TRMT1L: variants seen among roughly 807,000 people sequenced by gnomAD.
TRMT1L encodes tRNA (guanine(27)-N(2))-dimethyltransferase.
TRMT1L carries 28 observed loss-of-function variants against 81.6 expected under a neutral mutation model. The observed-to-expected ratio is 0.34, with a 90% CI of 0.25 to 0.47. The LOEUF (loss-of-function observed/expected upper bound fraction) is 0.47. TRMT1L is among the 20% of genes least tolerant of loss of function. TRMT1L has a pLI of 1.00. For synonymous variants in TRMT1L, 301 were observed against 303.2 expected, an observed-to-expected ratio of 0.99 and a Z score of 0.07; for missense variants, 739 against 877.1, an observed-to-expected ratio of 0.84 and a Z score of 1.99.
At chr1:185,129,739 C>G (rs1652723506) in intron 10 of TRMT1L, among the ~76,000 whole-genome samples, 1 of 152,102 alleles carries the variant, frequency 6.6e-6, no homozygotes, top group Non-Finnish European at 1.5e-5. Flanking sequence ...GTTATGAGAT[C>G]TTATTTTACA....
At chr1:185,120,531 T>C in intron 13 of TRMT1L, 22 bp from the exon 14 acceptor site, 1 of 1,534,642 alleles carries the variant, frequency 6.5e-7, no homozygotes, top group Non-Finnish European at 8.7e-7. Flanking sequence ...ACATACAAAG[T>C]TAGCATGCTC....
chr1:185,127,444 C>G (rs12086086), intron 11 of TRMT1L, among the ~76,000 whole-genome samples: 20,678 of 152,072 alleles, frequency 0.14, 2,103 homozygotes, highest in East Asian at 0.34. Context: ...TCACAATGTT[C>G]TTAGGAATCT....
At chr1:185,138,351 T>C (rs149550362) in intron 9 of TRMT1L, among the ~76,000 whole-genome samples, 2 of 152,294 alleles carry the variant, frequency 1.3e-5, no homozygotes, top group African/African-American at 4.8e-5. Context: ...TTTGCTGATA[T>C]TACATTATAG....
Position 185,130,045 on chromosome 1 carries a change from T to C in TRMT1L, c.1514-1298A>G, listed in dbSNP as rs182125468. Among the ~76,000 whole-genome samples, 8 of 152,352 alleles carry C rather than the reference T, an allele frequency of 5.3e-5. No homozygotes were observed. The East Asian group carries it at 7.7e-4, about 15-fold the overall frequency. ...AATTATTAATCAGTTTGTATCTTGA[T>C]GCACTGTGCAAAATAATCTTACCAT... On this transcript the variant is annotated intron_variant, in intron 10 of 14. Transcript: ENST00000367506.
chr1:185,156,663 A>C lies in TRMT1L; in HGVS notation c.50T>G (p.Val17Gly), dbSNP rs998154164. ...CGGGACCTGGACCTGGGCCACCTCCACCTCCTCCTTCTCCAGGGGCAGCAG... is the reference window on the plus strand; with the variant it reads ...CGGGACCTGGACCTGGGCCACCTCCCCCTCCTCCTTCTCCAGGGGCAGCAG... ...EELLPLEKEEVEVAQVQVPTP... is the reference protein window; with the variant it reads ...EELLPLEKEEGEVAQVQVPTP... Residue 17 changes from valine (V) to glycine (G), a missense_variant, in exon 1 of 15, where the codon GTG becomes GGG. By Grantham distance (109) the Val-to-Gly change is moderately radical. Around this residue, in one of 4 missense-constraint regions of TRMT1L, gnomAD observed 209 missense variants for 165.4 expected, o/e 1.26. Coordinates refer to ENST00000367506, the MANE Select transcript of TRMT1L (RefSeq NM_030934.5). The C allele has an allele frequency of 3.1e-6, 5 of 1,610,846 alleles. No homozygotes were observed. Among genetic ancestry groups the C allele is most frequent in the Non-Finnish European group, 4.2e-6 (5 of 1,179,128 alleles).
At chr1:185,148,471 A>G (rs752454673) in intron 3 of TRMT1L, among the ~76,000 whole-genome samples, 18 of 152,122 alleles carry the variant, frequency 1.2e-4, no homozygotes, top group Non-Finnish European at 2.2e-4. Context: ...TCTACCTTCA[A>G]TTTTACGTCA....
At position 185,156,497 on chromosome 1, in the gene TRMT1L, G is replaced by A. The variant is rs772518182; in HGVS notation, c.216C>T (p.Ala72=). 4 of 1,613,828 alleles carry A rather than the reference G, an allele frequency of 2.5e-6. No homozygotes were observed. Among genetic ancestry groups the A allele is most frequent in the East Asian group, 2.2e-5 (1 of 44,884 alleles). The change falls in exon 1 of 15, where the codon GCC becomes GCT. Residue 72 remains alanine, a synonymous_variant. Coordinates refer to ENST00000367506, the MANE Select transcript of TRMT1L (RefSeq NM_030934.5). ...APALSPSLAS[A]PEEAKSKRHI... ...ACTTACTGCTTTTAGCCTCCTCAGG[G>A]GCAGAGGCTAGGGACGGGGACAGGG...
intron 7 of TRMT1L, among the ~76,000 whole-genome samples, chr1:185,140,612 A>T (rs1557989498): frequency 6.6e-6 from 1 of 152,046 alleles, no homozygotes; most frequent in East Asian, 1.9e-4. Context: ...ACCATCATGG[A>T]CCAAAATATG....
chr1:185,135,226 G>A (rs1231799475), intron 10 of TRMT1L, among the ~76,000 whole-genome samples: 1 of 149,868 alleles, frequency 6.7e-6, no homozygotes, highest in African/African-American at 2.5e-5. Context: ...GACCAGCCTG[G>A]GCAACATGGT....
chr1:185,133,245 T>C (rs1652817718), intron 10 of TRMT1L, among the ~76,000 whole-genome samples: 3 of 152,218 alleles, frequency 2.0e-5, no homozygotes, highest in Admixed American at 2.0e-4. Context: ...ATTTTTATTT[T>C]TGTAGAGACA....
In TRMT1L at chr1:185,119,872, T is replaced by G. The variant is rs1032832646; in HGVS notation, c.*147A>C. ...AAGCAAAGCTCCCAAACCAGCTAAG[T>G]TAGAAACTGCTCAGTTTCTGAATGA... On this transcript the variant is annotated 3_prime_UTR_variant, in exon 15 of 15. Transcript: ENST00000367506. 9.6e-7 allele frequency: 1 copy of G among 1,039,464 alleles called. No individual in the cohort carries two copies. The highest frequency in any genetic ancestry group is 1.6e-5 in the African/African-American group (1 of 62,862). The allele number at this position is 1,039,464 out of a possible 1,614,324, so 64.4% of individuals were successfully genotyped here. A position where few individuals can be genotyped will look rare whatever the true frequency, so the allele number is the denominator to read the frequency against.
At chr1:185,139,838 C>T (rs764726660) in intron 8 of TRMT1L, 135 bp downstream of exon 8, 6 of 1,072,640 alleles carry the variant, frequency 5.6e-6, no homozygotes, top group Non-Finnish European at 6.6e-6. Flanking sequence ...ATACTGCATA[C>T]CTTAGGCCAA....
rs1652410907 is a variant in TRMT1L at position 185,118,260 on chromosome 1, A to G, written c.*1759T>C. 1 of 152,254 alleles carries G rather than the reference A, an allele frequency of 6.6e-6. No homozygotes were observed. The highest frequency in any genetic ancestry group is 1.5e-5 in the Non-Finnish European group (1 of 68,002). 9.4% of individuals were successfully genotyped at this position (152,254 alleles called of 1,614,324 possible). A position where few individuals can be genotyped will look rare whatever the true frequency, so the allele number is the denominator to read the frequency against. On this transcript the variant is annotated 3_prime_UTR_variant, in exon 15 of 15. Transcript: ENST00000367506. ...TATTTCCTCTTTTGGTTGATGTAGTACCTGATCAGAGTTCTAAACTACCGC... is the reference window on the plus strand; with the variant it reads ...TATTTCCTCTTTTGGTTGATGTAGTGCCTGATCAGAGTTCTAAACTACCGC...
intron 3 of TRMT1L, among the ~76,000 whole-genome samples, chr1:185,148,640 A>G (rs779428140): frequency 9.8e-5 from 15 of 152,358 alleles, no homozygotes; most frequent in Admixed American, 2.0e-4. Flanking sequence ...AGAAAAGAGA[A>G]TAACTTGGAG....
intron 9 of TRMT1L, 27 bp downstream of exon 9, chr1:185,139,340 C>T (rs1391620977): frequency 1.3e-6 from 2 of 1,587,864 alleles, no homozygotes; most frequent in Admixed American, 3.4e-5. Flanking sequence ...CTGAAACACA[C>T]TAAGTACACT....
chr1:185,152,396 C>T (rs531025970), intron 1 of TRMT1L, among the ~76,000 whole-genome samples: 1 of 152,268 alleles, frequency 6.6e-6, no homozygotes, highest in East Asian at 1.9e-4. Context: ...ACAACCATGC[C>T]ACCCCACCCT....
At chr1:185,155,987 G>A (rs1403939231) in intron 1 of TRMT1L, among the ~76,000 whole-genome samples, 1 of 152,214 alleles carries the variant, frequency 6.6e-6, no homozygotes, top group Non-Finnish European at 1.5e-5. Context: ...AAACTGAAAT[G>A]AGAAAAACTC....
At position 185,150,437 on chromosome 1, in the gene TRMT1L, G is replaced by C. The variant is rs151195858; in HGVS notation, c.402C>G (p.Ser134Arg). The C allele has an allele frequency of 1.4e-5, 23 of 1,613,558 alleles. No individual in the cohort carries two copies. The highest frequency in any genetic ancestry group is 1.8e-5 in the Non-Finnish European group (21 of 1,179,856). ...CPKEKFRACN[S>R]HKLRRHLQNL... The stretch of plus-strand genomic sequence containing the variant: ...TCTGGAGGTGACGACGAAGCTTATG[G>C]CTATTACAAGCTCTGAATTTTTCCT... Residue 134 changes from serine to arginine, a missense_variant, in exon 3 of 15, where the codon AGC becomes AGG. This residue lies in a region of TRMT1L where 209 missense variants were observed against 165.4 expected (regional missense o/e 1.26). Transcript: ENST00000367506.
rs1380165029 is a variant in TRMT1L, at chr1:185,145,562, T to A, written c.532A>T (p.Ser178Cys). The part of the protein sequence containing the change: ...KPNIIGEQIT[S>C]KMGAHYHCII... ...CAATGATAATGGGCTCCCATTTTAC[T>A]GGTTATCTATCAAACAGAGTATTTA... The change falls in exon 5 of 15, where the codon AGT becomes TGT. Residue 178 changes from serine (S) to cysteine (C), a missense_variant. This residue lies in a region of TRMT1L where 331 missense variants were observed against 462.2 expected (regional missense o/e 0.72). Transcript: ENST00000367506. 2.5e-6 allele frequency: 4 copies of A among 1,610,930 alleles called. No homozygotes were observed. In the African/African-American group the frequency reaches 5.3e-5, roughly 22 times the overall value.
Sources: allele counts gnomAD v4.1 joint callset (sites outside exome capture counted in the v4.1 genomes callset), GRCh38; gene constraint gnomAD v4.1.1; regional missense constraint gnomAD v4.1.1; transcripts MANE v1.5; gene names NCBI Gene and HGNC (gene_info 2026-07-23, HGNC 2026-07-21).